Variants in ZNF462 observed in about 807,000 individuals in gnomAD.
ZNF462 encodes zinc finger PBX1-interacting protein.
ZNF462 carries 10 observed loss-of-function variants against 201.9 expected under a neutral mutation model. The ratio of observed to expected loss-of-function variants is 0.05; its 90% CI spans 0.03 to 0.08. ZNF462 has a LOEUF of 0.08. ZNF462 is among the 10% of genes least tolerant of loss of function. The probability of loss-of-function intolerance (pLI) is 1.00; values close to 1 mark genes in which losing one functional copy is unlikely to be tolerated. For synonymous variants in ZNF462, 1,227 were observed against 1,193.3 expected (o/e 1.03, Z -0.58); for missense variants, 2,523 against 3,168.3 (o/e 0.80, Z 4.89).
chr9:106,923,344 T>G lies in ZNF462; in HGVS notation c.-30-10T>G, dbSNP rs1190421137. The G allele has an allele frequency of 6.2e-7, 1 of 1,603,524 alleles. No individual in the cohort carries two copies. Among genetic ancestry groups the G allele is most frequent in the South Asian group, 1.1e-5 (1 of 90,842 alleles). On this transcript the variant is annotated splice_polypyrimidine_tract_variant and intron_variant, in intron 1 of 12. Transcript: ENST00000277225. The surrounding 1 kb of genome is among the most constrained non-coding windows in gnomAD (Gnocchi z 5.6). ...TTCCTTAAGATGTTTTGTTCTGACTTCTGCCACAGGTTCCTAATGTGAGAG... is the reference window on the plus strand; with the variant it reads ...TTCCTTAAGATGTTTTGTTCTGACTGCTGCCACAGGTTCCTAATGTGAGAG...
rs2131428310 is a variant in ZNF462 at position 106,923,371 on chromosome 9, C to G, written c.-13C>G. 1.2e-6 allele frequency: 2 copies of G among 1,613,742 alleles called. No individual in the cohort carries two copies. Among genetic ancestry groups the G allele is most frequent in the Non-Finnish European group, 1.7e-6 (2 of 1,179,884 alleles). On this transcript the variant is annotated 5_prime_UTR_variant, in exon 2 of 13. Coordinates refer to ENST00000277225, the MANE Select transcript of ZNF462 (RefSeq NM_021224.6). The surrounding 1 kb of genome is among the most constrained non-coding windows in gnomAD (Gnocchi z 5.6). ...TGCCACAGGTTCCTAATGTGAGAGGCTAGACCCAGATCATGGAGGTGCTTC... is the reference window on the plus strand; with the variant it reads ...TGCCACAGGTTCCTAATGTGAGAGGGTAGACCCAGATCATGGAGGTGCTTC...
At chr9:106,988,258 A>G (rs537657859) in intron 10 of ZNF462, among the ~76,000 whole-genome samples, 4 of 152,086 alleles carry the variant, frequency 2.6e-5, no homozygotes, top group Non-Finnish European at 4.4e-5. Flanking sequence ...ATGGATGGCA[A>G]CAGGCAAAAA....
chr9:106,893,369 G>T (rs1828673506), intron 1 of ZNF462, among the ~76,000 whole-genome samples: 1 of 152,214 alleles, frequency 6.6e-6, no homozygotes, highest in South Asian at 2.1e-4. Flanking sequence ...CTCTAACCTT[G>T]TGAGAATGTA....
At chr9:106,947,254 A>G (rs1425448161) in intron 7 of ZNF462, among the ~76,000 whole-genome samples, 1 of 152,220 alleles carries the variant, frequency 6.6e-6, no homozygotes, top group African/African-American at 2.4e-5. Context: ...TTCATTTCCC[A>G]GCACACTGCT....
chr9:106,862,597 ACCT>A (rs151252656), upstream of ZNF462, among the ~76,000 whole-genome samples: 661 of 144,166 alleles, frequency 4.6e-3, 25 homozygotes, highest in East Asian at 0.09. The surrounding 1 kb of genome is among the most constrained non-coding windows in gnomAD (Gnocchi z 4.2). Context: ...CTCCACCACC[ACCT>A]CCTCCTCCTC....
At position 106,950,781 on chromosome 9, in the gene ZNF462, CAA is replaced by C. The variant is rs1000597020; in HGVS notation, c.6427+11675_6427+11676del. Among the ~76,000 whole-genome samples, 3 of 152,120 alleles carry C rather than the reference CAA, an allele frequency of 2.0e-5. No individual in the cohort carries two copies. Among genetic ancestry groups the C allele is most frequent in the African/African-American group, 7.2e-5 (3 of 41,410 alleles). ...ATCTCCATAACGGAAGTCTGGAAAA[CAA>C]TAACTCTTTAAAAAATTAAGTTCAG... On this transcript the variant is annotated intron_variant, in intron 7 of 12. Transcript: ENST00000277225. This position sits in a 1 kb window ranked among gnomAD's most constrained non-coding sequence, Gnocchi z 4.1.
chr9:106,997,759 T>C (rs978965476), intron 10 of ZNF462, among the ~76,000 whole-genome samples: 18 of 152,138 alleles, frequency 1.2e-4, no homozygotes, highest in African/African-American at 4.1e-4. Context: ...GACCACTTGG[T>C]ACGTTAGGGG....
At position 107,010,227 on chromosome 9, in the gene ZNF462, G is replaced by A. The variant is rs1829848108; in HGVS notation, c.7313+559G>A. Among the ~76,000 whole-genome samples the A allele has an allele frequency of 6.6e-6, 1 of 152,138 alleles. No individual in the cohort carries two copies. The highest frequency in any genetic ancestry group is 2.4e-5 in the African/African-American group (1 of 41,438). Reference sequence around the variant, plus strand: ...AGAACCTAGGATGTGGTCTTTTCAGGAGGAAACATGGCTTGTGTGGTGATA... The same window carrying A: ...AGAACCTAGGATGTGGTCTTTTCAGAAGGAAACATGGCTTGTGTGGTGATA... On this transcript the variant is annotated intron_variant, in intron 12 of 12. Coordinates refer to ENST00000277225, the MANE Select transcript of ZNF462 (RefSeq NM_021224.6). The surrounding 1 kb of genome is among the most constrained non-coding windows in gnomAD (Gnocchi z 4.6).
At chr9:106,873,557 T>C (rs539234325) in intron 1 of ZNF462, among the ~76,000 whole-genome samples, 1 of 152,342 alleles carries the variant, frequency 6.6e-6, no homozygotes, top group East Asian at 1.9e-4. Flanking sequence ...AAATTAGTTC[T>C]ATTCTTTAAT....
intron 1 of ZNF462, among the ~76,000 whole-genome samples, chr9:106,911,769 A>G (rs2131309263): frequency 6.6e-6 from 1 of 152,322 alleles, no homozygotes. Flanking sequence ...AGAGACCCTT[A>G]GGGAAGATAG....
chr9:106,986,976 C>CATAG (rs55877241), intron 10 of ZNF462, among the ~76,000 whole-genome samples: 13,570 of 143,288 alleles, frequency 0.095, 661 homozygotes, highest in African/African-American at 0.11. Context: ...AGTATTCCAT[C>CATAG]ATAGATAGAT....
rs151267045 is a variant in ZNF462, at chr9:106,914,072, T to C, written c.-30-9282T>C. Among the ~76,000 whole-genome samples the C allele has an allele frequency of 1.1e-4, 17 of 148,914 alleles. 1 individual carries two copies. The highest frequency in any genetic ancestry group is 3.7e-4 in the African/African-American group (15 of 40,668). ...GAGATTTTTGGTAACATACCCAAAT[T>C]AGAAAAATAAAACTGAAAACTCATC... On this transcript the variant is annotated intron_variant, in intron 1 of 12. Transcript: ENST00000277225.
In ZNF462 at chr9:106,978,944, G is replaced by T; in HGVS notation, c.6832+4671G>T. 2 of 311,468 alleles carry T rather than the reference G, an allele frequency of 6.4e-6. No homozygotes were observed. Among genetic ancestry groups the T allele is most frequent in the South Asian group, 3.1e-5 (1 of 32,280 alleles). The allele number at this position is 311,468 out of a possible 1,614,324, so 19.3% of individuals were successfully genotyped here. ...CTACCAGCTTAGCCAAAGCGCCTTT[G>T]TCTTCCAAGTTAATGTGTGTGAAGG... is the stretch of plus-strand genomic sequence containing the variant. On this transcript the variant is annotated intron_variant, in intron 9 of 12. Transcript: ENST00000277225. This position sits in a 1 kb window ranked among gnomAD's most constrained non-coding sequence, Gnocchi z 4.1.
intron 10 of ZNF462, among the ~76,000 whole-genome samples, chr9:106,996,247 G>A (rs1465459561): frequency 6.6e-6 from 1 of 152,120 alleles, no homozygotes; most frequent in Non-Finnish European, 1.5e-5. Context: ...CCAAGTCTTT[G>A]CTGTTGTGAA....
At chr9:106,903,331 C>T (rs1009005079) in intron 1 of ZNF462, among the ~76,000 whole-genome samples, 9 of 152,056 alleles carry the variant, frequency 5.9e-5, no homozygotes, top group Admixed American at 1.3e-4. Context: ...TATTGAGGCT[C>T]ATTTTGTGGC....
Position 107,011,164 on chromosome 9 carries a change from T to C in ZNF462, c.*134T>C. ...TGCTTTTTAGGACTGAACAATCTATTTTCAAAGCACTGGTACCTGTGTGAG... is the reference window on the plus strand; with the variant it reads ...TGCTTTTTAGGACTGAACAATCTATCTTCAAAGCACTGGTACCTGTGTGAG... On this transcript the variant is annotated 3_prime_UTR_variant, in exon 13 of 13. Coordinates refer to ENST00000277225, the MANE Select transcript of ZNF462 (RefSeq NM_021224.6). This position sits in a 1 kb window ranked among gnomAD's most constrained non-coding sequence, Gnocchi z 5.6. The C allele has an allele frequency of 2.6e-6, 2 of 768,584 alleles. No homozygotes were observed. The highest frequency in any genetic ancestry group is 4.1e-6 in the Non-Finnish European group (2 of 484,286). 47.6% of individuals were successfully genotyped at this position (768,584 alleles called of 1,614,324 possible). A position where few individuals can be genotyped will look rare whatever the true frequency, so the allele number is the denominator to read the frequency against.
intron 1 of ZNF462, among the ~76,000 whole-genome samples, chr9:106,900,696 T>C (rs918865941): frequency 6.6e-6 from 1 of 152,188 alleles, no homozygotes. Flanking sequence ...CTTTTGAGAA[T>C]TGGCTATTCA....
At position 106,863,177 on chromosome 9, in the gene ZNF462, G is replaced by A. The variant is rs1368282663; in HGVS notation, c.-209G>A. 5 of 399,164 alleles carry A rather than the reference G, an allele frequency of 1.3e-5. No individual in the cohort carries two copies. The highest frequency in any genetic ancestry group is 7.1e-5 in the East Asian group (2 of 28,040). 24.7% of individuals were successfully genotyped at this position (399,164 alleles called of 1,614,324 possible). Reference sequence around the variant, plus strand: ...TCTGCAGCTGCAGCGAGTCTGAGGAGCCGAGGAAGGCAGGGAAGATGGCGA... The same window carrying A: ...TCTGCAGCTGCAGCGAGTCTGAGGAACCGAGGAAGGCAGGGAAGATGGCGA... On this transcript the variant is annotated 5_prime_UTR_variant, in exon 1 of 13. Coordinates refer to ENST00000277225, the MANE Select transcript of ZNF462 (RefSeq NM_021224.6).
In ZNF462 at chr9:106,984,288, A is replaced by G. The variant is rs112267331; in HGVS notation, c.6935A>G (p.Asp2312Gly). The stretch of plus-strand genomic sequence containing the variant: ...AAGTGTACCTTCACCTGCTCCAGTG[A>G]TGAGAGCCTCCAGCAACATATAGAA... ...CDKCTFTCSS[D>G]ESLQQHIEKH... Residue 2312 changes from aspartate (D) to glycine (G), a missense_variant, in exon 10 of 13, where the codon GAT becomes GGT. Physicochemically the swap from Asp to Gly is moderately conservative, Grantham distance 94. Coordinates refer to ENST00000277225, the MANE Select transcript of ZNF462 (RefSeq NM_021224.6). This position sits in a 1 kb window ranked among gnomAD's most constrained non-coding sequence, Gnocchi z 6.4. 2 of 1,614,142 alleles carry G rather than the reference A, an allele frequency of 1.2e-6. No homozygotes were observed. The highest frequency in any genetic ancestry group is 1.7e-6 in the Non-Finnish European group (2 of 1,179,990).
Sources: allele counts gnomAD v4.1 joint callset (sites outside exome capture counted in the v4.1 genomes callset), GRCh38; gene constraint gnomAD v4.1.1; non-coding constraint Gnocchi (gnomAD v3.1); transcripts MANE v1.5; gene names NCBI Gene and HGNC (gene_info 2026-07-23, HGNC 2026-07-21).